Variants in KLHL6 observed in about 807,000 individuals in gnomAD.
KLHL6 encodes kelch like family member 6.
In KLHL6, 41 loss-of-function variants were observed where a neutral mutation model predicts 58.6. The observed-to-expected ratio is 0.70, with a 90% confidence interval of 0.55 to 0.91. The LOEUF (loss-of-function observed/expected upper bound fraction) is 0.91, where lower values mean the gene tolerates loss of function less well. Ranked by LOEUF, KLHL6 falls within the 40% of genes least tolerant of loss-of-function variation. The pLI, the probability that KLHL6 is intolerant of heterozygous loss-of-function variation, is 0.00. For synonymous variants in KLHL6, 338 were observed against 322.7 expected, an observed-to-expected ratio of 1.05 and a Z score of -0.51; for missense variants, 714 against 805.6, an observed-to-expected ratio of 0.89 and a Z score of 1.38.
chr3:183,537,045 C>A (rs140846019), intron 1 of KLHL6, among the ~76,000 whole-genome samples: 1 of 152,270 alleles, frequency 6.6e-6, no homozygotes, highest in East Asian at 1.9e-4. Flanking sequence ...CATGAATTTT[C>A]TGCCACTTAA....
intron 4 of KLHL6, among the ~76,000 whole-genome samples, chr3:183,495,495 G>A (rs1258772098): frequency 6.6e-6 from 1 of 151,196 alleles, no homozygotes; most frequent in African/African-American, 2.4e-5. Flanking sequence ...TCCCATTTAG[G>A]TAGCATCAAA....
chr3:183,491,927 T>C lies in KLHL6; in HGVS notation c.1866A>G (p.Ter622TrpextTer42). 1 of 1,473,032 alleles carries C rather than the reference T, an allele frequency of 6.8e-7. No individual in the cohort carries two copies. The highest frequency in any genetic ancestry group is 9.0e-7 in the Non-Finnish European group (1 of 1,107,948). The allele number at this position is 1,473,032 out of a possible 1,614,324, so 91.2% of individuals were successfully genotyped here. ...GGCTCTCCAGCTCCCCATCCTGCCG[T>C]CAGACAGACACTGCTCCGGGCACGA... Reference protein sequence around the residue: ...RRIVPGAVSV* With the variant: ...RRIVPGAVSVW The change falls in exon 7 of 7, where the codon TGA becomes TGG. Residue 622 changes from the stop codon to tryptophan, a stop_lost. Transcript: ENST00000341319.
In KLHL6 at chr3:183,489,601, C is replaced by G. The variant is rs1717488553; in HGVS notation, c.*2326G>C. On this transcript the variant is annotated 3_prime_UTR_variant, in exon 7 of 7. Transcript: ENST00000341319. ...TGAATTGAACTAGATTACACTGTTACATTGCTTCAGTTGGGAGCTTCCTGA... is the reference window on the plus strand; with the variant it reads ...TGAATTGAACTAGATTACACTGTTAGATTGCTTCAGTTGGGAGCTTCCTGA... 1 of 152,316 alleles carries G rather than the reference C, an allele frequency of 6.6e-6. No individual in the cohort carries two copies. The highest frequency in any genetic ancestry group is 2.1e-4 in the South Asian group (1 of 4,822). 9.4% of individuals were successfully genotyped at this position (152,316 alleles called of 1,614,324 possible).
At chr3:183,511,440 T>C (rs1006331274) in intron 2 of KLHL6, among the ~76,000 whole-genome samples, 1 of 152,198 alleles carries the variant, frequency 6.6e-6, no homozygotes, top group Non-Finnish European at 1.5e-5. Context: ...ACAGTGGCCT[T>C]CCTCTATCTC....
chr3:183,550,851 T>C (rs1712887817), intron 1 of KLHL6, among the ~76,000 whole-genome samples: 1 of 152,010 alleles, frequency 6.6e-6, no homozygotes, highest in Non-Finnish European at 1.5e-5. Context: ...CTGGGCGCAG[T>C]GGCTCACGCC....
chr3:183,516,356 G>A (rs987267315), intron 2 of KLHL6, among the ~76,000 whole-genome samples: 3 of 152,178 alleles, frequency 2.0e-5, no homozygotes, highest in African/African-American at 7.2e-5. Flanking sequence ...AGACTTCAAG[G>A]TAAATTTTCT....
Position 183,492,297 on chromosome 3 carries a change from A to C in KLHL6, c.1565-69T>G, listed in dbSNP as rs1442869133. ...TGGTTTCTTCCCTCTTAACCACTAA[A>C]ATTCAACTTCTGATTAGGCCAAGTC... is the stretch of plus-strand genomic sequence containing the variant. On this transcript the variant is annotated intron_variant, in intron 6 of 6. Transcript: ENST00000341319. This position sits in a 1 kb window ranked among gnomAD's most constrained non-coding sequence, Gnocchi z 5.9. The C allele has an allele frequency of 7.0e-7, 1 of 1,427,396 alleles. No individual in the cohort carries two copies. Among genetic ancestry groups the C allele is most frequent in the African/African-American group, 1.4e-5 (1 of 69,816 alleles). 88.4% of individuals were successfully genotyped at this position (1,427,396 alleles called of 1,614,324 possible).
At chr3:183,513,534 C>T (rs1372844079) in intron 2 of KLHL6, among the ~76,000 whole-genome samples, 1 of 152,132 alleles carries the variant, frequency 6.6e-6, no homozygotes, top group Non-Finnish European at 1.5e-5. Flanking sequence ...AACAAGATGC[C>T]GGTTCCTATT....
intron 5 of KLHL6, chr3:183,493,184 T>C (rs1001190): frequency 0.37 from 67,012 of 182,518 alleles, 13,700 homozygotes; most frequent in East Asian, 0.78. Flanking sequence ...TGGGGCAGCA[T>C]TGAGGATTTT....
chr3:183,523,227 C>G (rs1711831563), intron 2 of KLHL6: 1 of 152,288 alleles, frequency 6.6e-6, no homozygotes, highest in South Asian at 2.1e-4. Context: ...CGCTATGTCC[C>G]AGGCATTGCA....
chr3:183,508,002 C>T lies in KLHL6; in HGVS notation c.909+57G>A, dbSNP rs1246973366. ...CCGCTTTGCTTGCATCTCTGTGAGC[C>T]CCTAGCTAACTCCTTACTTCGCTGG... On this transcript the variant is annotated intron_variant, in intron 3 of 6. Transcript: ENST00000341319. The T allele has an allele frequency of 5.4e-6, 8 of 1,474,696 alleles. No homozygotes were observed. The African/African-American group carries it at 9.8e-5, about 18-fold the overall frequency. 91.4% of individuals were successfully genotyped at this position (1,474,696 alleles called of 1,614,324 possible).
intron 2 of KLHL6, chr3:183,521,616 G>A (rs6800858): frequency 0.51 from 76,717 of 151,794 alleles, 20,145 homozygotes; most frequent in Non-Finnish European, 0.58. Flanking sequence ...ACTAGCTGTG[G>A]AGACTTTAGC....
chr3:183,550,162 A>G (rs1369683636), intron 1 of KLHL6, among the ~76,000 whole-genome samples: 2 of 152,232 alleles, frequency 1.3e-5, no homozygotes, highest in Non-Finnish European at 2.9e-5. Context: ...AGGTTGGAAG[A>G]TAAAATTGAG....
rs1055782641 is a variant in KLHL6 at position 183,514,088 on chromosome 3, T to C, written c.460-5580A>G. 8.5e-5 allele frequency among the ~76,000 whole-genome samples: 13 copies of C among 152,364 alleles called. No homozygotes were observed. In the East Asian group the frequency reaches 2.5e-3, roughly 29 times the overall value. On this transcript the variant is annotated intron_variant, in intron 2 of 6. Coordinates refer to ENST00000341319, the MANE Select transcript of KLHL6 (RefSeq NM_130446.4). The stretch of plus-strand genomic sequence containing the variant: ...TGGCTGCGAGCATCTATTAATATTA[T>C]GTAGGAGGCTCCCAACTAGTGCTGG...
At chr3:183,551,895 T>TA (rs1229461068) in intron 1 of KLHL6, among the ~76,000 whole-genome samples, 1 of 152,008 alleles carries the variant, frequency 6.6e-6, no homozygotes, top group Non-Finnish European at 1.5e-5. Flanking sequence ...AATTTAATTT[T>TA]AAAAAAATAC....
rs11928615 is a variant in KLHL6, at chr3:183,528,664, G to A, written c.294-654C>T. On this transcript the variant is annotated intron_variant, in intron 1 of 6. Transcript: ENST00000341319. ...GGATAGAAAGGATGTAGGTTTTATCGTAGCATTGGATGGACCAGGATTTGA... is the reference window on the plus strand; with the variant it reads ...GGATAGAAAGGATGTAGGTTTTATCATAGCATTGGATGGACCAGGATTTGA... 7.7e-3 allele frequency among the ~76,000 whole-genome samples: 1,168 copies of A among 152,290 alleles called. 28 individuals carry two copies. The highest frequency in any genetic ancestry group is 0.026 in the African/African-American group (1,087 of 41,546).
At chr3:183,536,879 G>C (rs1228098344) in intron 1 of KLHL6, among the ~76,000 whole-genome samples, 2 of 152,112 alleles carry the variant, frequency 1.3e-5, no homozygotes, top group African/African-American at 4.8e-5. Flanking sequence ...GCAAGCATAG[G>C]GCCAGCGCTG....
intron 1 of KLHL6, among the ~76,000 whole-genome samples, chr3:183,531,759 T>C (rs1461736979): frequency 6.6e-6 from 1 of 152,188 alleles, no homozygotes; most frequent in Non-Finnish European, 1.5e-5. Flanking sequence ...TCTTTCATAT[T>C]TCTCCCTTTT....
chr3:183,546,717 T>C (rs1380298678), intron 1 of KLHL6, among the ~76,000 whole-genome samples: 2 of 152,190 alleles, frequency 1.3e-5, no homozygotes, highest in East Asian at 1.9e-4. Context: ...CATAAAGTGT[T>C]GGGGCAAATA....
Sources: allele counts gnomAD v4.1 joint callset (sites outside exome capture counted in the v4.1 genomes callset), GRCh38; gene constraint gnomAD v4.1.1; non-coding constraint Gnocchi (gnomAD v3.1); transcripts MANE v1.5; gene names NCBI Gene and HGNC (gene_info 2026-07-23, HGNC 2026-07-21).